Variants in KCNT2 observed in about 807,000 individuals in gnomAD.
The protein encoded by KCNT2 is potassium sodium-activated channel subfamily T member 2, also known as potassium channel subfamily T member 2.
A neutral mutation model predicts 153.8 loss-of-function variants in KCNT2; 67 were observed. The ratio of observed to expected loss-of-function variants is 0.44; its 90% confidence interval spans 0.36 to 0.53. The LOEUF (loss-of-function observed/expected upper bound fraction) is 0.53. Among genes scored for constraint, KCNT2 ranks in the 20% least tolerant of loss-of-function variants. The probability of loss-of-function intolerance (pLI) is 0.00; values close to 1 mark genes in which losing one functional copy is unlikely to be tolerated. For synonymous variants in KCNT2, 500 were observed against 458.8 expected (o/e 1.09, Z -1.15); for missense variants, 975 against 1,354.8 (o/e 0.72, Z 4.40).
At chr1:196,435,139 G>GTGTATATA (rs1553326057) in intron 8 of KCNT2, among the ~76,000 whole-genome samples, 2 of 45,716 alleles carry the variant, frequency 4.4e-5, no homozygotes, top group Non-Finnish European at 7.8e-5. Flanking sequence ...GTGTGTGTAT[G>GTGTATATA]TATATATATA....
chr1:196,427,140 A>G (rs1485410795), intron 10 of KCNT2, among the ~76,000 whole-genome samples: 1 of 152,008 alleles, frequency 6.6e-6, no homozygotes, highest in East Asian at 1.9e-4. Flanking sequence ...TTAATTAAAT[A>G]TAAATAATTA....
chr1:196,353,976 C>T (rs1666967767), intron 14 of KCNT2, among the ~76,000 whole-genome samples: 1 of 151,830 alleles, frequency 6.6e-6, no homozygotes, highest in African/African-American at 2.4e-5. Flanking sequence ...TGCTGTACTA[C>T]CCTGTTCAGT....
chr1:196,428,110 G>T lies in KCNT2; in HGVS notation c.979C>A (p.Leu327Ile). 6.2e-7 allele frequency: 1 copy of T among 1,611,276 alleles called. No individual in the cohort carries two copies. Among genetic ancestry groups the T allele is most frequent in the Non-Finnish European group, 8.5e-7 (1 of 1,178,098 alleles). Residue 327 changes from leucine to isoleucine, a missense_variant, in exon 10 of 28, where the codon CTC (leucine) becomes ATC (isoleucine). Leu to Ile is a conservative substitution (Grantham distance 5, BLOSUM62 2). This residue lies in a region of KCNT2 where 202 missense variants were observed against 314.9 expected (regional missense o/e 0.64). Coordinates refer to ENST00000294725, the MANE Select transcript of KCNT2 (RefSeq NM_198503.5). ...FLNEFYAHPR[L>I]QDYYVVILCP... ...ATAATATAAGCCAAATGTACCTGGA[G>T]CCTAGGATGAGCATAGAATTCATTT...
At chr1:196,382,101 T>TTATTTATTTATTTATG (rs1198494675) in intron 13 of KCNT2, among the ~76,000 whole-genome samples, 1 of 150,680 alleles carries the variant, frequency 6.6e-6, no homozygotes, top group Admixed American at 6.6e-5. Flanking sequence ...ATTTATTTAT[T>TTATTTATTTATTTATG]TATTTATTTA....
Position 196,498,008 on chromosome 1 carries a change from T to A in KCNT2, c.96-5667A>T, listed in dbSNP as rs139719742. Among the ~76,000 whole-genome samples, 155 of 152,292 alleles carry A rather than the reference T, an allele frequency of 1.0e-3. 1 individual carries two copies. Among genetic ancestry groups the A allele is most frequent in the Admixed American group, 2.1e-3 (32 of 15,296 alleles). ...AAACAATTTAGATACTGCAGAGATG[T>A]TTTTTGCAACTGTCATCAATTTTTC... is the stretch of plus-strand genomic sequence containing the variant. On this transcript the variant is annotated intron_variant, in intron 1 of 27. Coordinates refer to ENST00000294725, the MANE Select transcript of KCNT2 (RefSeq NM_198503.5).
At chr1:196,340,049 T>C (rs2148150083) in intron 16 of KCNT2, among the ~76,000 whole-genome samples, 1 of 152,084 alleles carries the variant, frequency 6.6e-6, no homozygotes, top group East Asian at 1.9e-4. Flanking sequence ...CAGAGTCTTT[T>C]TCTGTTGCCC....
intron 14 of KCNT2, among the ~76,000 whole-genome samples, chr1:196,349,184 T>C (rs930772922): frequency 6.6e-6 from 1 of 152,154 alleles, no homozygotes; most frequent in African/African-American, 2.4e-5. Context: ...GAAGACAAGT[T>C]GATTGCTTGG....
intron 1 of KCNT2, among the ~76,000 whole-genome samples, chr1:196,515,982 T>A (rs1404721396): frequency 6.6e-6 from 1 of 152,104 alleles, no homozygotes; most frequent in East Asian, 1.9e-4. Flanking sequence ...ATGCAGAGCA[T>A]CTGGTCAGGC....
At chr1:196,352,559 T>G (rs1276473334) in intron 14 of KCNT2, among the ~76,000 whole-genome samples, 1 of 152,194 alleles carries the variant, frequency 6.6e-6, no homozygotes, top group Non-Finnish European at 1.5e-5. Flanking sequence ...ATATTCCCTT[T>G]ATCACTTTTT....
In KCNT2 at chr1:196,336,244, T is replaced by C. The variant is rs575189410; in HGVS notation, c.1784-2184A>G. ...GTAATGGCTTTTTCTACTATCACTCTTCAGTCCTTCACTCTCATGGCCACA... is the reference window on the plus strand; with the variant it reads ...GTAATGGCTTTTTCTACTATCACTCCTCAGTCCTTCACTCTCATGGCCACA... On this transcript the variant is annotated intron_variant, in intron 16 of 27. Transcript: ENST00000294725. 1.4e-4 allele frequency among the ~76,000 whole-genome samples: 22 copies of C among 152,156 alleles called. No homozygotes were observed. In the South Asian group the frequency reaches 4.6e-3, roughly 32 times the overall value.
At chr1:196,493,326 T>C (rs989361848) in intron 1 of KCNT2, among the ~76,000 whole-genome samples, 9 of 141,158 alleles carry the variant, frequency 6.4e-5, no homozygotes, top group Non-Finnish European at 1.1e-4. Flanking sequence ...GGTTTGGGGG[T>C]CTTTTTTTTG....
At chr1:196,525,276 C>A (rs554101341) in intron 1 of KCNT2, among the ~76,000 whole-genome samples, 1 of 152,090 alleles carries the variant, frequency 6.6e-6, no homozygotes, top group South Asian at 2.1e-4. Context: ...TGGAGTTGAC[C>A]CAGGCCATGC....
chr1:196,266,970 G>C (rs1201923568), intron 25 of KCNT2, among the ~76,000 whole-genome samples: 1 of 152,192 alleles, frequency 6.6e-6, no homozygotes, highest in Non-Finnish European at 1.5e-5. Flanking sequence ...TCCTGCTGCT[G>C]TTGCTGCCTA....
In KCNT2 at chr1:196,331,990, C is replaced by T. The variant is rs565562308; in HGVS notation, c.1998-729G>A. ...GACTTTCAGAATGAAACTTCTAAAA[C>T]GTAGCAGCATAAATGAAAATTAGGC... On this transcript the variant is annotated intron_variant, in intron 17 of 27. Transcript: ENST00000294725. Among the ~76,000 whole-genome samples, 34 of 152,080 alleles carry T rather than the reference C, an allele frequency of 2.2e-4. 1 individual carries two copies. The South Asian group carries it at 5.0e-3, about 22-fold the overall frequency.
chr1:196,475,932 G>T (rs1470387625), intron 5 of KCNT2, among the ~76,000 whole-genome samples: 1 of 152,096 alleles, frequency 6.6e-6, no homozygotes, highest in Non-Finnish European at 1.5e-5. Context: ...GGTTGAAATG[G>T]AAATATTATA....
Position 196,376,964 on chromosome 1 carries a change from A to T in KCNT2, c.1295-3716T>A, listed in dbSNP as rs142690377. 6.6e-4 allele frequency among the ~76,000 whole-genome samples: 101 copies of T among 152,036 alleles called. 1 individual carries two copies. Among genetic ancestry groups the T allele is most frequent in the African/African-American group, 2.1e-3 (86 of 41,538 alleles). ...GACCTATGGGTGTAAATGGCAGTGA[A>T]GATTTGGTAGGGACAATGAATTGTA... On this transcript the variant is annotated intron_variant, in intron 13 of 27. Transcript: ENST00000294725.
At chr1:196,487,415 T>TGTGTGC (rs1387601263) in intron 3 of KCNT2, among the ~76,000 whole-genome samples, 1 of 150,872 alleles carries the variant, frequency 6.6e-6, no homozygotes, top group African/African-American at 2.4e-5. Context: ...ATGGAGTGTG[T>TGTGTGC]GTGTGTGTGT....
Position 196,465,385 on chromosome 1 carries a change from A to G in KCNT2, c.546T>C (p.Asn182=). 6.4e-7 allele frequency: 1 copy of G among 1,564,818 alleles called. No individual in the cohort carries two copies. Among genetic ancestry groups the G allele is most frequent in the Non-Finnish European group, 8.7e-7 (1 of 1,145,914 alleles). ...TACGCTGAATGGCTCTGTGTAGATC[A>G]TTCTAAAATAATACAGAAAAAAAGT... ...LAKHALENMI[N]DLHRAIQRTQ... is the part of the protein sequence containing the mutation. The change falls in exon 8 of 28, where the codon AAT becomes AAC. Residue 182 remains asparagine, a splice_region_variant and synonymous_variant. Transcript: ENST00000294725.
intron 8 of KCNT2, among the ~76,000 whole-genome samples, chr1:196,432,241 C>T (rs538969436): frequency 6.6e-6 from 1 of 152,204 alleles, no homozygotes; most frequent in East Asian, 1.9e-4. Flanking sequence ...GGTGACCTTT[C>T]CTCTAGATTT....
Sources: gnomAD v4.1 joint callset for allele counts (sites outside exome capture counted in the v4.1 genomes callset) on GRCh38, gnomAD v4.1.1 for gene constraint, gnomAD v4.1.1 regional missense constraint, MANE v1.5 for transcripts, NCBI Gene and HGNC (gene_info 2026-07-23, HGNC 2026-07-21) for gene names.